KIAA1549: variants seen among roughly 807,000 people sequenced by gnomAD.
KIAA1549 encodes UPF0606 protein KIAA1549.
Under a neutral mutation model 156.4 loss-of-function variants are expected in KIAA1549, and 70 were observed. That is an observed-to-expected ratio of 0.45 (90% CI 0.37 to 0.55). The LOEUF is 0.55. Among genes scored for constraint, KIAA1549 ranks in the 20% least tolerant of loss-of-function variants. The probability of loss-of-function intolerance (pLI) is 0.00; values close to 1 mark genes in which losing one functional copy is unlikely to be tolerated. For synonymous variants in KIAA1549, 1,103 were observed against 1,066.4 expected (o/e 1.03, Z -0.67); for missense variants, 2,428 against 2,540.9 (o/e 0.96, Z 0.96).
At position 138,938,072 on chromosome 7, in the gene KIAA1549, A is replaced by T. The variant is rs577789749; in HGVS notation, c.188-18634T>A. Among the ~76,000 whole-genome samples the T allele has an allele frequency of 3.9e-5, 6 of 152,258 alleles. No homozygotes were observed. The South Asian group carries it at 1.2e-3, about 32-fold the overall frequency. On this transcript the variant is annotated intron_variant, in intron 1 of 19. Transcript: ENST00000422774. ...GGTATTAAGAGGTAGGGCCTTTGGAAGGTGACTAGGTCATGAGGGCCCCAC... is the reference window on the plus strand; with the variant it reads ...GGTATTAAGAGGTAGGGCCTTTGGATGGTGACTAGGTCATGAGGGCCCCAC...
At chr7:138,920,244 T>TCTCACCCCCACCTGGAATGC (rs1812529922) in intron 1 of KIAA1549, among the ~76,000 whole-genome samples, 1 of 152,128 alleles carries the variant, frequency 6.6e-6, no homozygotes, top group Non-Finnish European at 1.5e-5. Context: ...TATGGATGGC[T>TCTCACCCCCACCTGGAATGC]CCTTCTGGCC....
intron 17 of KIAA1549, among the ~76,000 whole-genome samples, chr7:138,847,238 C>G (rs1250987339): frequency 5.3e-5 from 8 of 152,184 alleles, no homozygotes; most frequent in African/African-American, 1.9e-4. Context: ...CACACCACAA[C>G]ACTTCTGAGG....
chr7:138,909,516 G>C (rs971423740), intron 4 of KIAA1549, among the ~76,000 whole-genome samples: 1 of 152,170 alleles, frequency 6.6e-6, no homozygotes, highest in Non-Finnish European at 1.5e-5. Context: ...GTTCACAGGG[G>C]ATAGATGAAA....
intron 16 of KIAA1549, among the ~76,000 whole-genome samples, chr7:138,853,133 A>G (rs1810282710): frequency 6.6e-6 from 1 of 152,260 alleles, no homozygotes; most frequent in Non-Finnish European, 1.5e-5. Flanking sequence ...TCAGAAGAAC[A>G]GTAACTATGG....
intron 9 of KIAA1549, among the ~76,000 whole-genome samples, chr7:138,896,122 G>A (rs1031339557): frequency 6.6e-6 from 1 of 152,158 alleles, no homozygotes; most frequent in African/African-American, 2.4e-5. Flanking sequence ...GATAATCCGT[G>A]AAGTGCTACG....
At chr7:138,842,733 G>A (rs1472559704) in intron 18 of KIAA1549, among the ~76,000 whole-genome samples, 1 of 151,768 alleles carries the variant, frequency 6.6e-6, no homozygotes, top group Non-Finnish European at 1.5e-5. Flanking sequence ...TTATTTCAAG[G>A]ATTAAAAGAC....
Position 138,918,364 on chromosome 7 carries a change from C to T in KIAA1549, c.1262G>A (p.Cys421Tyr). 6.2e-7 allele frequency: 1 copy of T among 1,613,966 alleles called. No homozygotes were observed. ...AGGTGAAGGCACAGTGCAGGCCGCA[C>T]ACCAAGTGTATGGTCTGAATGAGGA... ...PVSSFRPYTW[C>Y]AACTVPSPQQ... The change falls in exon 2 of 20, where the codon TGT becomes TAT. Residue 421 changes from cysteine to tyrosine, a missense_variant. This residue lies in a region of KIAA1549 where 893 missense variants were observed against 847.9 expected (regional missense o/e 1.05). Coordinates refer to ENST00000422774, the MANE Select transcript of KIAA1549 (RefSeq NM_001164665.2). The surrounding 1 kb of genome is among the most constrained non-coding windows in gnomAD (Gnocchi z 4.2).
chr7:138,939,497 A>G (rs1000243298), intron 1 of KIAA1549, among the ~76,000 whole-genome samples: 4 of 152,228 alleles, frequency 2.6e-5, no homozygotes, highest in Admixed American at 6.5e-5. Flanking sequence ...TCCACATTCT[A>G]TATTTGGCTG....
chr7:138,834,038 C>T lies in KIAA1549; in HGVS notation c.*3868G>A, dbSNP rs878992. 0.21 allele frequency: 48,991 copies of T among 229,976 alleles called. 6,421 individuals are homozygous for T. Among genetic ancestry groups the T allele is most frequent in the African/African-American group, 0.39 (17,536 of 45,194 alleles). The allele number at this position is 229,976 out of a possible 1,614,324, so 14.2% of individuals were successfully genotyped here. ...GGCCCACTCTCAGCTCTTCCTTCCA[C>T]GCCATTTGCCTGGGTAGCTGCCCTG... On this transcript the variant is annotated 3_prime_UTR_variant, in exon 20 of 20. Transcript: ENST00000422774.
chr7:138,956,497 G>A (rs143301558), intron 1 of KIAA1549, among the ~76,000 whole-genome samples: 72 of 152,248 alleles, frequency 4.7e-4, no homozygotes, highest in African/African-American at 1.2e-3. Context: ...TAATTGAATC[G>A]TGGGGGTGGT....
At chr7:138,867,554 C>CA (rs925674502) in intron 15 of KIAA1549, among the ~76,000 whole-genome samples, 38 of 111,234 alleles carry the variant, frequency 3.4e-4, no homozygotes, top group East Asian at 7.1e-4. Flanking sequence ...GACCCTGTCC[C>CA]AAAAAAAAAA....
intron 2 of KIAA1549, among the ~76,000 whole-genome samples, chr7:138,913,463 C>T (rs1031715994): frequency 1.3e-5 from 2 of 152,118 alleles, no homozygotes; most frequent in Non-Finnish European, 1.5e-5. Flanking sequence ...ATTTAGTAAG[C>T]GTGTTCTTCT....
chr7:138,842,378 C>T (rs879842303), intron 18 of KIAA1549, among the ~76,000 whole-genome samples: 1 of 152,226 alleles, frequency 6.6e-6, no homozygotes, highest in Non-Finnish European at 1.5e-5. Flanking sequence ...TTCCTCACTT[C>T]TCCAGCAGGA....
At chr7:138,909,240 A>G in intron 4 of KIAA1549, 119 bp from the exon 5 acceptor site, 1 of 991,312 alleles carries the variant, frequency 1.0e-6, no homozygotes, top group Non-Finnish European at 1.5e-6. Flanking sequence ...GTATGGGATT[A>G]AGTACTGTGA....
chr7:138,951,213 G>A (rs1813488009), intron 1 of KIAA1549, among the ~76,000 whole-genome samples: 1 of 152,086 alleles, frequency 6.6e-6, no homozygotes, highest in Admixed American at 6.5e-5. Context: ...TTACAGGCAT[G>A]AGCCACCATG....
At chr7:138,895,282 A>G (rs1310614498) in intron 9 of KIAA1549, among the ~76,000 whole-genome samples, 1 of 152,250 alleles carries the variant, frequency 6.6e-6, no homozygotes, top group Non-Finnish European at 1.5e-5. Context: ...GCACCAGTGC[A>G]ACTGGTCGTT....
rs61369700 is a variant in KIAA1549 at position 138,942,141 on chromosome 7, C to G, written c.188-22703G>C. The stretch of plus-strand genomic sequence containing the variant: ...GTCCCACAACTAGCAGGTGGTGGAC[C>G]CAGTATTTGAACCCGGATCTATCCG... On this transcript the variant is annotated intron_variant, in intron 1 of 19. Transcript: ENST00000422774. 8.2e-3 allele frequency among the ~76,000 whole-genome samples: 1,245 copies of G among 152,162 alleles called. 24 individuals are homozygous for G. Among genetic ancestry groups the G allele is most frequent in the African/African-American group, 0.029 (1,198 of 41,490 alleles).
intron 10 of KIAA1549, among the ~76,000 whole-genome samples, chr7:138,888,358 T>C (rs1811456296): frequency 6.6e-6 from 1 of 152,246 alleles, no homozygotes; most frequent in South Asian, 2.1e-4. Flanking sequence ...CAGGATACTT[T>C]CGTTCACTTC....
At chr7:138,978,848 C>T (rs1298942217) in intron 1 of KIAA1549, among the ~76,000 whole-genome samples, 1 of 152,200 alleles carries the variant, frequency 6.6e-6, no homozygotes, top group Non-Finnish European at 1.5e-5. Context: ...CAAGCAACTG[C>T]AACGCACCCT....
Sources: allele counts gnomAD v4.1 joint callset (sites outside exome capture counted in the v4.1 genomes callset), GRCh38; gene constraint gnomAD v4.1.1; regional missense constraint gnomAD v4.1.1; non-coding constraint Gnocchi (gnomAD v3.1); transcripts MANE v1.5; gene names NCBI Gene and HGNC (gene_info 2026-07-23, HGNC 2026-07-21).